RAD51B: variants seen among roughly 807,000 people sequenced by gnomAD.
The protein encoded by RAD51B is RAD51 paralog B.
A neutral mutation model predicts 42.2 loss-of-function variants in RAD51B; 38 were observed. The ratio of observed to expected loss-of-function variants is 0.90; its 90% CI spans 0.70 to 1.18. The LOEUF (loss-of-function observed/expected upper bound fraction) is 1.18, where lower values mean the gene tolerates loss of function less well. Ranked by LOEUF, RAD51B falls within the 50% of genes most tolerant of loss-of-function variation. The pLI, the probability that RAD51B is intolerant of heterozygous loss-of-function variation, is 0.00. For missense variants in RAD51B, 373 were observed against 400.7 expected, an observed-to-expected ratio of 0.93 and a Z score of 0.59; for synonymous variants, 154 against 145.2, an observed-to-expected ratio of 1.06 and a Z score of -0.43.
chr14:68,640,895 G>T (rs1892446827), intron 10 of RAD51B, among the ~76,000 whole-genome samples: 1 of 152,168 alleles, frequency 6.6e-6, no homozygotes, highest in South Asian at 2.1e-4. Flanking sequence ...ACAGTTTACT[G>T]TCTCTAACCA....
At chr14:68,463,485 A>G (rs1472645403) in intron 9 of RAD51B, among the ~76,000 whole-genome samples, 2 of 152,214 alleles carry the variant, frequency 1.3e-5, no homozygotes, top group African/African-American at 2.4e-5. Context: ...ATCTTAATAT[A>G]GTATATGCTA....
chr14:67,967,478 G>A (rs2074804236), intron 7 of RAD51B, among the ~76,000 whole-genome samples: 1 of 152,170 alleles, frequency 6.6e-6, no homozygotes, highest in South Asian at 2.1e-4. Context: ...TCAAAAGCAA[G>A]CTAGTTGTTT....
intron 7 of RAD51B, among the ~76,000 whole-genome samples, chr14:68,181,475 T>C (rs988146428): frequency 3.3e-5 from 5 of 152,256 alleles, no homozygotes; most frequent in African/African-American, 1.2e-4. Flanking sequence ...AGGACCTTTC[T>C]ATCTGTCCTT....
chr14:68,270,556 G>A (rs1217046638), intron 7 of RAD51B, among the ~76,000 whole-genome samples: 1 of 152,172 alleles, frequency 6.6e-6, no homozygotes, highest in African/African-American at 2.4e-5. Flanking sequence ...TAGCACATTT[G>A]GGTCACAGGG....
At chr14:68,010,961 A>C (rs2075674003) in intron 7 of RAD51B, among the ~76,000 whole-genome samples, 1 of 151,936 alleles carries the variant, frequency 6.6e-6, no homozygotes, top group South Asian at 2.1e-4. Flanking sequence ...AAAGGATATA[A>C]GTTTCTTTGT....
chr14:68,504,043 C>T (rs904681260), intron 10 of RAD51B, among the ~76,000 whole-genome samples: 86 of 152,348 alleles, frequency 5.6e-4, no homozygotes, highest in African/African-American at 2.0e-3. Context: ...ATTACATCTT[C>T]ATCCCTACGG....
chr14:68,646,304 A>C (rs1892563417), intron 10 of RAD51B, among the ~76,000 whole-genome samples: 1 of 152,168 alleles, frequency 6.6e-6, no homozygotes, highest in Non-Finnish European at 1.5e-5. Flanking sequence ...TGCTTCTTTG[A>C]TAGGTGGGAA....
intron 8 of RAD51B, among the ~76,000 whole-genome samples, chr14:68,403,339 G>T (rs371122470): frequency 4.6e-5 from 7 of 150,982 alleles, no homozygotes; most frequent in African/African-American, 1.7e-4. Context: ...ACATGGAAAA[G>T]CATTCTTTTA....
At chr14:68,579,305 C>A (rs527724779) in intron 10 of RAD51B, among the ~76,000 whole-genome samples, 15 of 152,284 alleles carry the variant, frequency 9.9e-5, no homozygotes, top group Non-Finnish European at 2.1e-4. Context: ...AGAGGAGGGA[C>A]TTCTTAACTT....
exon 11 of RAD51B, chr14:68,650,846 G>A: frequency 1.3e-6 from 1 of 758,296 alleles, no homozygotes; most frequent in East Asian, 2.4e-5. Flanking sequence ...TGAGTCCTGA[G>A]ATTGCTACAG....
intron 5 of RAD51B, among the ~76,000 whole-genome samples, chr14:67,866,424 A>G (rs2139994981): frequency 6.6e-6 from 1 of 152,370 alleles, no homozygotes; most frequent in Admixed American, 6.5e-5. Flanking sequence ...AGTAGGTATT[A>G]AATAGCCAGT....
intron 10 of RAD51B, among the ~76,000 whole-genome samples, chr14:68,627,959 A>G (rs1892128766): frequency 6.6e-6 from 1 of 152,000 alleles, no homozygotes; most frequent in Admixed American, 6.6e-5. Context: ...ACAACCCAAA[A>G]CAAAAGCCAG....
At chr14:68,653,040 A>G (rs1892734040) in intron 11 of RAD51B, among the ~76,000 whole-genome samples, 1 of 152,240 alleles carries the variant, frequency 6.6e-6, no homozygotes, top group Non-Finnish European at 1.5e-5. Context: ...TTTGATTCAC[A>G]CGCATGTTTT....
At chr14:68,064,741 A>G (rs113020754) in intron 7 of RAD51B, among the ~76,000 whole-genome samples, 6,878 of 151,724 alleles carry the variant, frequency 0.045, 210 homozygotes, top group Non-Finnish European at 0.073. Context: ...TTTCTGCTTT[A>G]TCTAATCTGT....
chr14:68,502,294 G>A (rs1291756244), intron 10 of RAD51B, among the ~76,000 whole-genome samples: 1 of 152,222 alleles, frequency 6.6e-6, no homozygotes, highest in Non-Finnish European at 1.5e-5. Flanking sequence ...CCACCTGAGA[G>A]ACGCTGGAGA....
At chr14:67,920,979 A>C (rs1001965711) in intron 7 of RAD51B, among the ~76,000 whole-genome samples, 1 of 152,216 alleles carries the variant, frequency 6.6e-6, no homozygotes, top group Non-Finnish European at 1.5e-5. Context: ...TGGTTGTAGC[A>C]TAGAGTAATG....
At chr14:67,835,686 C>CA (rs1473785534) in intron 4 of RAD51B, among the ~76,000 whole-genome samples, 6 of 145,782 alleles carry the variant, frequency 4.1e-5, no homozygotes, top group Non-Finnish European at 9.3e-5. Flanking sequence ...CCTGTCTTTA[C>CA]CAAAAAAAAA....
downstream of RAD51B, chr14:68,596,119 C>T: frequency 1.2e-6 from 1 of 852,886 alleles, no homozygotes; most frequent in Non-Finnish European, 1.4e-6. Context: ...TTCTTCAGCC[C>T]TTTCCACAAC....
chr14:68,386,858 C>T (rs1310489287), intron 8 of RAD51B, among the ~76,000 whole-genome samples: 1 of 152,170 alleles, frequency 6.6e-6, no homozygotes, highest in African/African-American at 2.4e-5. Context: ...ATCCCAGAAA[C>T]AGATGAAGTT....
Sources: allele counts gnomAD v4.1 joint callset (sites outside exome capture counted in the v4.1 genomes callset), GRCh38; gene constraint gnomAD v4.1.1; transcripts MANE v1.5; gene names NCBI Gene and HGNC (gene_info 2026-07-23, HGNC 2026-07-21).